Variants in DHX35 observed in about 807,000 individuals in gnomAD.
The protein encoded by DHX35 is probable ATP-dependent RNA helicase DHX35.
DHX35 carries 84 observed loss-of-function variants against 99.6 expected under a neutral mutation model. The ratio of observed to expected loss-of-function variants is 0.84; its 90% CI spans 0.71 to 1.01. The LOEUF is 1.01. DHX35 is among the 50% of genes least tolerant of loss of function. The pLI is 0.00. For missense variants in DHX35, 852 were observed against 888.5 expected, an observed-to-expected ratio of 0.96 and a Z score of 0.52; for synonymous variants, 331 against 316.2, an observed-to-expected ratio of 1.05 and a Z score of -0.50.
chr20:39,024,491 AAAG>A (rs2086921431), intron 17 of DHX35, among the ~76,000 whole-genome samples: 1 of 152,228 alleles, frequency 6.6e-6, no homozygotes, highest in South Asian at 2.1e-4. Flanking sequence ...TTTTCAGAAA[AAAG>A]AAATTCACTC....
At chr20:38,992,652 G>C (rs1472124360) in intron 7 of DHX35, among the ~76,000 whole-genome samples, 2 of 151,838 alleles carry the variant, frequency 1.3e-5, no homozygotes, top group Non-Finnish European at 2.9e-5. Context: ...ACTTGGATCT[G>C]TTTTGGCATA....
chr20:38,976,683 C>G (rs902116791), intron 3 of DHX35, among the ~76,000 whole-genome samples: 1 of 152,120 alleles, frequency 6.6e-6, no homozygotes, highest in African/African-American at 2.4e-5. Flanking sequence ...CAGTAGAACA[C>G]CAGAACTTAT....
chr20:39,031,588 C>T (rs1307249979), intron 20 of DHX35, among the ~76,000 whole-genome samples: 3 of 152,134 alleles, frequency 2.0e-5, no homozygotes, highest in South Asian at 2.1e-4. Flanking sequence ...CCACCCACCT[C>T]GGCCTCCCAA....
chr20:38,983,879 G>A, intron 4 of DHX35, 103 bp downstream of exon 4: 1 of 933,206 alleles, frequency 1.1e-6, no homozygotes, highest in East Asian at 2.7e-5. Context: ...TGCTCCTTAA[G>A]AGTTTAGGTC....
chr20:38,964,688 C>T (rs1449989207), intron 1 of DHX35, among the ~76,000 whole-genome samples: 1 of 152,142 alleles, frequency 6.6e-6, no homozygotes, highest in Non-Finnish European at 1.5e-5. Flanking sequence ...CTCGGCCTCC[C>T]AAAGTGTTGG....
At chr20:39,026,198 A>C (rs556078427) in intron 18 of DHX35, among the ~76,000 whole-genome samples, 1 of 152,134 alleles carries the variant, frequency 6.6e-6, no homozygotes, top group African/African-American at 2.4e-5. Context: ...TGAGTGTTCC[A>C]TGTGTTTATT....
chr20:38,962,440 G>A (rs368464643), intron 1 of DHX35, 33 bp downstream of exon 1: 2 of 1,607,594 alleles, frequency 1.2e-6, no homozygotes, highest in South Asian at 1.1e-5. Context: ...GGGCAGATGC[G>A]GCGGCCTGAC....
At chr20:39,015,704 T>C (rs1014422798) in intron 14 of DHX35, among the ~76,000 whole-genome samples, 1 of 152,220 alleles carries the variant, frequency 6.6e-6, no homozygotes, top group African/African-American at 2.4e-5. Flanking sequence ...TTATGTACTA[T>C]ACAATTCACT....
At position 38,962,729 on chromosome 20, in the gene DHX35, G is replaced by T. The variant is rs897299543; in HGVS notation, c.40+322G>T. 1.3e-5 allele frequency: 5 copies of T among 372,952 alleles called. No homozygotes were observed. The South Asian group carries it at 1.8e-4, about 14-fold the overall frequency. 23.1% of individuals were successfully genotyped at this position (372,952 alleles called of 1,614,324 possible). Reference sequence around the variant, plus strand: ...ATCCTAAAGCTCCCTCTCGTGTCTCGTTAGCGCCCTGGGGTTGCGCTGTGG... The same window carrying T: ...ATCCTAAAGCTCCCTCTCGTGTCTCTTTAGCGCCCTGGGGTTGCGCTGTGG... On this transcript the variant is annotated intron_variant, in intron 1 of 21. Transcript: ENST00000252011.
In DHX35 at chr20:39,034,366, C is replaced by T. The variant is rs773394922; in HGVS notation, c.2067+49C>T. On this transcript the variant is annotated intron_variant, in intron 21 of 21. Coordinates refer to ENST00000252011, the MANE Select transcript of DHX35 (RefSeq NM_021931.4). ...CCCAGCCACCTGTTCACAGCCTCTC[C>T]ATGTTTTTAAATGTACTTTTTTTCT... 4 of 1,468,684 alleles carry T rather than the reference C, an allele frequency of 2.7e-6. No individual in the cohort carries two copies. The South Asian group carries it at 3.4e-5, about 13-fold the overall frequency. The allele number at this position is 1,468,684 out of a possible 1,614,324, so 91.0% of individuals were successfully genotyped here.
At chr20:39,033,382 G>A in intron 20 of DHX35, among the ~76,000 whole-genome samples, 1 of 152,188 alleles carries the variant, frequency 6.6e-6, no homozygotes, top group Middle Eastern at 3.2e-3. Context: ...GAGCTCTGAA[G>A]GGCAAAGAAA....
intron 4 of DHX35, 32 bp from the exon 5 acceptor site, chr20:38,988,781 C>T (rs767589963): frequency 6.2e-6 from 10 of 1,612,452 alleles, no homozygotes; most frequent in Non-Finnish European, 8.5e-6. Context: ...ATTTCTATGT[C>T]TCTATTTTCA....
chr20:38,973,117 G>A (rs886778786), intron 3 of DHX35, among the ~76,000 whole-genome samples: 2 of 152,160 alleles, frequency 1.3e-5, no homozygotes, highest in Non-Finnish European at 2.9e-5. Context: ...TAAAGGAATT[G>A]GCATTTGAAA....
At chr20:38,978,010 A>G (rs1392951368) in intron 3 of DHX35, 2 of 691,044 alleles carry the variant, frequency 2.9e-6, no homozygotes, top group African/African-American at 1.8e-5. Context: ...CCTTCCAGAT[A>G]TACTTAAGAA....
intron 4 of DHX35, 129 bp from the exon 5 acceptor site, chr20:38,988,684 T>G: frequency 7.7e-7 from 1 of 1,291,946 alleles, no homozygotes; most frequent in Non-Finnish European, 1.0e-6. Context: ...TCTAATAACT[T>G]GTCTCTTTTC....
chr20:39,030,738 C>G lies in DHX35; in HGVS notation c.1918C>G (p.Pro640Ala). ...IRDDHELHIHPASVLYAEKPP... is the reference protein window; with the variant it reads ...IRDDHELHIHAASVLYAEKPP... ...TGATGACCATGAGCTGCACATACAC[C>G]CTGCGTCAGTCCTCTATGCAGAGAA... Residue 640 changes from proline (P) to alanine (A), a missense_variant, in exon 20 of 22, where the codon CCT becomes GCT. Coordinates refer to ENST00000252011, the MANE Select transcript of DHX35 (RefSeq NM_021931.4). 1 of 1,614,130 alleles carries G rather than the reference C, an allele frequency of 6.2e-7. No homozygotes were observed. The highest frequency in any genetic ancestry group is 8.5e-7 in the Non-Finnish European group (1 of 1,180,030).
At chr20:38,967,381 A>G (rs1441192777) in intron 1 of DHX35, among the ~76,000 whole-genome samples, 1 of 152,220 alleles carries the variant, frequency 6.6e-6, no homozygotes, top group Non-Finnish European at 1.5e-5. Context: ...AGGAGGCTGT[A>G]TAGCATGTGT....
chr20:39,030,785 T>A lies in DHX35; in HGVS notation c.1955+10T>A. The A allele has an allele frequency of 1.2e-6, 2 of 1,613,904 alleles. No individual in the cohort carries two copies. Among genetic ancestry groups the A allele is most frequent in the Non-Finnish European group, 1.7e-6 (2 of 1,179,788 alleles). On this transcript the variant is annotated intron_variant, in intron 20 of 21. Coordinates refer to ENST00000252011, the MANE Select transcript of DHX35 (RefSeq NM_021931.4). Reference sequence around the variant, plus strand: ...AGAAGCCGCCTCGCTGGTAAGCTCATCCTGCTGCTTAGCCTGTGCCTGCTT... The same window carrying A: ...AGAAGCCGCCTCGCTGGTAAGCTCAACCTGCTGCTTAGCCTGTGCCTGCTT...
chr20:38,992,472 C>T lies in DHX35; in HGVS notation c.582+47C>T. ...TTCATTGTGTGTGTTTATTTTATTGCCTAATTACAAAAGCAACTGTAGCAA... is the reference window on the plus strand; with the variant it reads ...TTCATTGTGTGTGTTTATTTTATTGTCTAATTACAAAAGCAACTGTAGCAA... On this transcript the variant is annotated intron_variant, in intron 7 of 21. Coordinates refer to ENST00000252011, the MANE Select transcript of DHX35 (RefSeq NM_021931.4). The T allele has an allele frequency of 2.5e-6, 4 of 1,577,144 alleles. No individual in the cohort carries two copies. The South Asian group carries it at 4.5e-5, about 18-fold the overall frequency.
Sources: gnomAD v4.1 joint callset for allele counts (sites outside exome capture counted in the v4.1 genomes callset) on GRCh38, gnomAD v4.1.1 for gene constraint, MANE v1.5 for transcripts, NCBI Gene and HGNC (gene_info 2026-07-23, HGNC 2026-07-21) for gene names.